GPBP1L1: variants seen among roughly 807,000 people sequenced by gnomAD.
GPBP1L1 encodes GC-rich promoter binding protein 1 like 1.
GPBP1L1 carries 23 observed loss-of-function variants against 52.5 expected under a neutral mutation model. The observed-to-expected ratio is 0.44, with a 90% confidence interval of 0.32 to 0.62. GPBP1L1 has a LOEUF of 0.62. Among genes scored for constraint, GPBP1L1 ranks in the 20% least tolerant of loss-of-function variants. GPBP1L1 has a pLI of 0.06. For missense variants in GPBP1L1, 596 were observed against 579.3 expected, an observed-to-expected ratio of 1.03 and a Z score of -0.30; for synonymous variants, 243 against 203.1, an observed-to-expected ratio of 1.20 and a Z score of -1.67.
chr1:45,666,562 T>G (rs1399300250), intron 2 of GPBP1L1, among the ~76,000 whole-genome samples: 1 of 152,132 alleles, frequency 6.6e-6, no homozygotes. Context: ...TTTAATAAAT[T>G]TTTATGAATT....
intron 6 of GPBP1L1, among the ~76,000 whole-genome samples, chr1:45,653,228 T>C (rs188423095): frequency 1.3e-5 from 2 of 152,264 alleles, no homozygotes; most frequent in Admixed American, 1.3e-4. Flanking sequence ...AAGCGACTGA[T>C]CGATGTGCTA....
rs140164294 is a variant in GPBP1L1 at position 45,669,073 on chromosome 1, T to A, written c.-1097-7848A>T. Among the ~76,000 whole-genome samples the A allele has an allele frequency of 1.3e-3, 202 of 152,358 alleles. 2 individuals carry two copies. Among genetic ancestry groups the A allele is most frequent in the African/African-American group, 4.1e-3 (170 of 41,594 alleles). On this transcript the variant is annotated intron_variant, in intron 2 of 12. Coordinates refer to ENST00000355105, the MANE Select transcript of GPBP1L1 (RefSeq NM_021639.5). Reference sequence around the variant, plus strand: ...ATAATTTTGAGCACATCTTCAACCATGAAATAGTTTCCATTCTATCTATAC... The same window carrying A: ...ATAATTTTGAGCACATCTTCAACCAAGAAATAGTTTCCATTCTATCTATAC...
intron 4 of GPBP1L1, 53 bp from the exon 5 acceptor site, chr1:45,655,372 T>C (rs916386434): frequency 1.9e-6 from 3 of 1,583,752 alleles, no homozygotes; most frequent in Admixed American, 1.7e-5. Flanking sequence ...TTAGTCCTTT[T>C]CAATATCTTA....
intron 6 of GPBP1L1, among the ~76,000 whole-genome samples, chr1:45,643,048 C>A (rs761418663): frequency 6.6e-6 from 1 of 151,658 alleles, no homozygotes; most frequent in Non-Finnish European, 1.5e-5. Context: ...GTTACAAGGA[C>A]GATGAAAAAA....
At chr1:45,670,715 A>G (rs1234117063) in intron 2 of GPBP1L1, among the ~76,000 whole-genome samples, 2 of 151,078 alleles carry the variant, frequency 1.3e-5, no homozygotes, top group African/African-American at 4.9e-5. Flanking sequence ...TTGTTTCTAT[A>G]TATGTATGCA....
chr1:45,648,588 A>T (rs1390312880), intron 6 of GPBP1L1, among the ~76,000 whole-genome samples: 6 of 152,182 alleles, frequency 3.9e-5, no homozygotes, highest in African/African-American at 1.4e-4. Context: ...GTATTAACCA[A>T]GCCTCTTATA....
chr1:45,682,992 T>C (rs1645229347), intron 2 of GPBP1L1, among the ~76,000 whole-genome samples: 1 of 151,638 alleles, frequency 6.6e-6, no homozygotes, highest in Non-Finnish European at 1.5e-5. Flanking sequence ...ACTTAGGGGG[T>C]ATGTTATTTT....
At chr1:45,672,945 A>C (rs1461523977) in intron 2 of GPBP1L1, among the ~76,000 whole-genome samples, 3 of 152,240 alleles carry the variant, frequency 2.0e-5, no homozygotes, top group African/African-American at 4.8e-5. Flanking sequence ...GGAACTGGAG[A>C]CTAAAAGTAT....
chr1:45,645,204 T>C (rs559396571), intron 6 of GPBP1L1, among the ~76,000 whole-genome samples: 2 of 152,302 alleles, frequency 1.3e-5, no homozygotes, highest in South Asian at 2.1e-4. Context: ...AAGATCACAA[T>C]CCAGGCAGTA....
At chr1:45,680,473 A>G (rs1645199044) in intron 2 of GPBP1L1, among the ~76,000 whole-genome samples, 1 of 151,972 alleles carries the variant, frequency 6.6e-6, no homozygotes, top group East Asian at 1.9e-4. Context: ...TCCTGGCCTC[A>G]TGTGATCCGC....
Position 45,628,165 on chromosome 1 carries a change from ACAT to A in GPBP1L1, c.*88_*90del, listed in dbSNP as rs1411877002. Reference sequence around the variant, plus strand: ...TCCCTTGTGAATGAAGTATTCAACAACATAAGAAAAGGAAAAGAACGATTTCTT... The same window carrying A: ...TCCCTTGTGAATGAAGTATTCAACAAAAGAAAAGGAAAAGAACGATTTCTT... On this transcript the variant is annotated 3_prime_UTR_variant, in exon 13 of 13. Transcript: ENST00000355105. 1.6e-6 allele frequency: 2 copies of A among 1,216,096 alleles called. No individual in the cohort carries two copies. The highest frequency in any genetic ancestry group is 2.3e-6 in the Non-Finnish European group (2 of 851,228). 75.3% of individuals were successfully genotyped at this position (1,216,096 alleles called of 1,614,324 possible). A position where few individuals can be genotyped will look rare whatever the true frequency, so the allele number is the denominator to read the frequency against.
At chr1:45,654,417 A>G (rs1644857294) in intron 6 of GPBP1L1, 126 bp downstream of exon 6, 1 of 984,268 alleles carries the variant, frequency 1.0e-6, no homozygotes, top group Non-Finnish European at 1.5e-6. Flanking sequence ...CCTCTAAAAC[A>G]ATAAAAACCT....
intron 6 of GPBP1L1, among the ~76,000 whole-genome samples, chr1:45,653,730 A>C: frequency 7.0e-6 from 1 of 141,848 alleles, no homozygotes; most frequent in African/African-American, 2.7e-5. Context: ...ACAGAGTCTC[A>C]CTCTATTGCC....
intron 2 of GPBP1L1, among the ~76,000 whole-genome samples, chr1:45,672,080 A>C (rs1446002601): frequency 6.6e-6 from 1 of 152,180 alleles, no homozygotes; most frequent in East Asian, 1.9e-4. Context: ...AGATTTATTC[A>C]GGCTGGGTGC....
intron 2 of GPBP1L1, among the ~76,000 whole-genome samples, chr1:45,681,234 A>G (rs532670460): frequency 6.6e-6 from 1 of 152,326 alleles, no homozygotes; most frequent in Non-Finnish European, 1.5e-5. Flanking sequence ...ACAAACCAGA[A>G]AATAAAAATC....
intron 10 of GPBP1L1, 102 bp downstream of exon 10, chr1:45,633,387 A>T: frequency 8.1e-7 from 1 of 1,234,940 alleles, no homozygotes; most frequent in Admixed American, 2.0e-5. Flanking sequence ...ATCTCTGTAC[A>T]TTTAAAAATC....
chr1:45,667,712 A>T (rs1469650588), intron 2 of GPBP1L1, among the ~76,000 whole-genome samples: 1 of 152,168 alleles, frequency 6.6e-6, no homozygotes, highest in East Asian at 1.9e-4. Context: ...CCCCCTTCCT[A>T]GAGCCTGTAT....
chr1:45,680,214 T>C (rs1420137101), intron 2 of GPBP1L1, among the ~76,000 whole-genome samples: 7 of 151,126 alleles, frequency 4.6e-5, no homozygotes, highest in Non-Finnish European at 1.0e-4. Flanking sequence ...TTAATAGTAG[T>C]GACTAACAGA....
intron 6 of GPBP1L1, among the ~76,000 whole-genome samples, chr1:45,643,252 CA>C (rs982590404): frequency 3.3e-5 from 5 of 152,104 alleles, no homozygotes; most frequent in African/African-American, 7.2e-5. Context: ...AATAGTTCAG[CA>C]TGAGTAGTGC....
Sources: allele counts gnomAD v4.1 joint callset (sites outside exome capture counted in the v4.1 genomes callset), GRCh38; gene constraint gnomAD v4.1.1; transcripts MANE v1.5; gene names NCBI Gene and HGNC (gene_info 2026-07-23, HGNC 2026-07-21).